Variants in IPO9 observed in about 807,000 individuals in gnomAD.
IPO9 encodes the protein importin-9.
Under a neutral mutation model 128.6 loss-of-function variants are expected in IPO9, and 28 were observed. That is an observed-to-expected ratio of 0.22 (90% confidence interval 0.16 to 0.30). The LOEUF (loss-of-function observed/expected upper bound fraction) is 0.30, where lower values mean the gene tolerates loss of function less well. Among genes scored for constraint, IPO9 ranks in the 10% least tolerant of loss-of-function variants. The pLI is 1.00. For synonymous variants in IPO9, 455 were observed against 475.8 expected, an observed-to-expected ratio of 0.96 and a Z score of 0.57; for missense variants, 935 against 1,293.9, an observed-to-expected ratio of 0.72 and a Z score of 4.26.
At chr1:201,829,450 TG>T in intron 1 of IPO9, 78 bp downstream of exon 1, 1 of 1,383,884 alleles carries the variant, frequency 7.2e-7, no homozygotes, top group Non-Finnish European at 9.5e-7. Context: ...GCTGGGGACA[TG>T]GGGAGCCTGA....
intron 3 of IPO9, 109 bp from the exon 4 acceptor site, chr1:201,848,284 A>G (rs1194352107): frequency 8.0e-6 from 7 of 878,432 alleles, no homozygotes; most frequent in South Asian, 2.9e-5. Flanking sequence ...TTCTGTAGAC[A>G]TGCAGTACCT....
At chr1:201,861,519 G>A (rs1290170676) in intron 13 of IPO9, among the ~76,000 whole-genome samples, 1 of 152,178 alleles carries the variant, frequency 6.6e-6, no homozygotes, top group African/African-American at 2.4e-5. Flanking sequence ...TTTAAGGTAG[G>A]CCCGGCTAAG....
chr1:201,868,929 A>G (rs1338086673), intron 16 of IPO9, 133 bp downstream of exon 16: 2 of 1,310,544 alleles, frequency 1.5e-6, no homozygotes, highest in Non-Finnish European at 1.0e-6. Flanking sequence ...TTTTGCCTGC[A>G]AGGACAGTGG....
Position 201,858,489 on chromosome 1 carries a change from G to A in IPO9, c.1264G>A (p.Ala422Thr), listed in dbSNP as rs768072057. 2 of 1,597,006 alleles carry A rather than the reference G, an allele frequency of 1.3e-6. No individual in the cohort carries two copies. The highest frequency in any genetic ancestry group is 1.7e-6 in the Non-Finnish European group (2 of 1,172,664). Residue 422 changes from alanine (A) to threonine (T), a missense_variant, in exon 12 of 24, where the codon GCT becomes ACT. Ala to Thr is a moderately conservative substitution (Grantham distance 58, BLOSUM62 0). This residue lies in a region of IPO9 where 741 missense variants were observed against 1,019.1 expected (regional missense o/e 0.73). Transcript: ENST00000361565. ...CCAGAATGAAAGTGCAGCAGCCCTG[G>A]CTGCTGCAGCCACTCGACATTTACA... Reference protein sequence around the residue: ...DFQNESAAALAAAATRHLQEA... With the variant: ...DFQNESAAALTAAATRHLQEA...
In IPO9 at chr1:201,857,006, G is replaced by A. The variant is rs377159472; in HGVS notation, c.1123-90G>A. On this transcript the variant is annotated intron_variant, in intron 10 of 23. Coordinates refer to ENST00000361565, the MANE Select transcript of IPO9 (RefSeq NM_018085.5). ...CCAGCAAAAGGCTAGAGTTTTTTCA[G>A]GATAATAGGTTGAAATCTTCCTGTA... 6.9e-5 allele frequency: 61 copies of A among 884,410 alleles called. No individual in the cohort carries two copies. The East Asian group carries it at 8.5e-4, about 12-fold the overall frequency. 54.8% of individuals were successfully genotyped at this position (884,410 alleles called of 1,614,324 possible). A position where few individuals can be genotyped will look rare whatever the true frequency, so the allele number is the denominator to read the frequency against.
chr1:201,847,499 T>G, intron 2 of IPO9, 53 bp from the exon 3 acceptor site: 1 of 1,490,880 alleles, frequency 6.7e-7, no homozygotes, highest in Non-Finnish European at 9.3e-7. Context: ...ATAGTTTTTA[T>G]GTGTGAAAAA....
rs1396472509 is a variant in IPO9, at chr1:201,877,965, A to G, written c.*1911A>G. 2 of 152,218 alleles carry G rather than the reference A, an allele frequency of 1.3e-5. No individual in the cohort carries two copies. Among genetic ancestry groups the G allele is most frequent in the Non-Finnish European group, 2.9e-5 (2 of 68,058 alleles). 9.4% of individuals were successfully genotyped at this position (152,218 alleles called of 1,614,324 possible). ...GAGAAAGAATATAAAGTGAATCTGA[A>G]TCTCCACTCAAGGGGATGGCCCCAA... On this transcript the variant is annotated 3_prime_UTR_variant, in exon 24 of 24. Transcript: ENST00000361565.
intron 1 of IPO9, among the ~76,000 whole-genome samples, chr1:201,833,724 A>G (rs1171238048): frequency 6.6e-6 from 1 of 152,204 alleles, no homozygotes; most frequent in East Asian, 1.9e-4. Flanking sequence ...ACATTGCTTG[A>G]AAGTTTGGAA....
intron 13 of IPO9, among the ~76,000 whole-genome samples, chr1:201,859,204 T>TATATATATATATATATATATATATATAA (rs1680394096): frequency 1.5e-5 from 2 of 134,078 alleles, no homozygotes; most frequent in Non-Finnish European, 3.2e-5. Context: ...TATATATATA[T>TATATATATATATATATATATATATATAA]ATAAAGGAAA....
intron 3 of IPO9, 130 bp from the exon 4 acceptor site, chr1:201,848,263 G>T: frequency 1.4e-6 from 1 of 727,376 alleles, no homozygotes; most frequent in Non-Finnish European, 2.4e-6. Context: ...TCAAGTTTGT[G>T]TATAGGAGTT....
intron 14 of IPO9, among the ~76,000 whole-genome samples, chr1:201,866,139 T>TTA (rs1007934321): frequency 1.4e-4 from 21 of 152,176 alleles, no homozygotes; most frequent in East Asian, 5.8e-4. Flanking sequence ...CACGAAAATA[T>TTA]TATATATATA....
chr1:201,829,431 T>A, intron 1 of IPO9, 59 bp downstream of exon 1: 1 of 1,459,104 alleles, frequency 6.9e-7, no homozygotes, highest in Non-Finnish European at 9.1e-7. Context: ...TGACCGCAGC[T>A]CCGTACCGGC....
At chr1:201,852,930 T>C (rs1680252467) in intron 5 of IPO9, 81 bp from the exon 6 acceptor site, 1 of 1,103,584 alleles carries the variant, frequency 9.1e-7, no homozygotes, top group Non-Finnish European at 1.4e-6. Flanking sequence ...TAGTCATAGT[T>C]TTACTTCTAG....
Position 201,882,864 on chromosome 1 carries a change from T to TA in IPO9, c.*6811dup, listed in dbSNP as rs1265601193. The TA allele has an allele frequency of 1.3e-5, 2 of 152,666 alleles. No individual in the cohort carries two copies. The highest frequency in any genetic ancestry group is 1.3e-4 in the Admixed American group (2 of 15,284). The allele number at this position is 152,666 out of a possible 1,614,324, so 9.5% of individuals were successfully genotyped here. ...AAGGATGACTTCATTAAAGCACCTC[T>TA]AGTGGTGGAAGATGTCCCATCCTAT... On this transcript the variant is annotated 3_prime_UTR_variant, in exon 24 of 24. Coordinates refer to ENST00000361565, the MANE Select transcript of IPO9 (RefSeq NM_018085.5).
At chr1:201,844,502 A>G (rs530094870) in intron 1 of IPO9, among the ~76,000 whole-genome samples, 79 of 152,324 alleles carry the variant, frequency 5.2e-4, no homozygotes, top group South Asian at 2.5e-3. Context: ...AAAAAGGACA[A>G]TAAGGAAAAA....
chr1:201,842,312 T>A (rs2102871476), intron 1 of IPO9, among the ~76,000 whole-genome samples: 1 of 152,278 alleles, frequency 6.6e-6, no homozygotes, highest in East Asian at 1.9e-4. Flanking sequence ...TAGGATGAGG[T>A]CTGGAAGGGT....
At position 201,852,863 on chromosome 1, in the gene IPO9, A is replaced by G. The variant is rs572690457; in HGVS notation, c.604-148A>G. 7.5e-6 allele frequency: 5 copies of G among 663,088 alleles called. No homozygotes were observed. In the African/African-American group the frequency reaches 9.0e-5, roughly 12 times the overall value. The allele number at this position is 663,088 out of a possible 1,614,324, so 41.1% of individuals were successfully genotyped here. A position where few individuals can be genotyped will look rare whatever the true frequency, so the allele number is the denominator to read the frequency against. ...AATTACAGAAGTCTGCCTCCTGGAC[A>G]TAAATGAATTACATTTCCCATTTCT... On this transcript the variant is annotated intron_variant, in intron 5 of 23. Transcript: ENST00000361565.
At chr1:201,859,180 A>AATAAATAAAT (rs371428335) in intron 13 of IPO9, among the ~76,000 whole-genome samples, 186 bp downstream of exon 13, 1 of 83,478 alleles carries the variant, frequency 1.2e-5, no homozygotes, top group Non-Finnish European at 2.5e-5. Flanking sequence ...CTCAAAGTAT[A>AATAAATAAAT]ATATATATAT....
intron 13 of IPO9, among the ~76,000 whole-genome samples, chr1:201,860,447 T>A (rs1680422949): frequency 6.6e-6 from 1 of 152,244 alleles, no homozygotes; most frequent in Non-Finnish European, 1.5e-5. Context: ...GTAGAAATCA[T>A]GTCTAATCTT....
Sources: allele counts gnomAD v4.1 joint callset (sites outside exome capture counted in the v4.1 genomes callset), GRCh38; gene constraint gnomAD v4.1.1; regional missense constraint gnomAD v4.1.1; transcripts MANE v1.5; gene names NCBI Gene and HGNC (gene_info 2026-07-23, HGNC 2026-07-21).